Variants in LONP2 observed in about 807,000 individuals in gnomAD.
LONP2 encodes lon protease homolog 2, peroxisomal.
A neutral mutation model predicts 85.6 loss-of-function variants in LONP2; 60 were observed. The observed-to-expected ratio is 0.70, with a 90% CI of 0.57 to 0.87. The LOEUF (loss-of-function observed/expected upper bound fraction) is 0.87. LONP2 is among the 40% of genes least tolerant of loss of function. The pLI, the probability that LONP2 is intolerant of heterozygous loss-of-function variation, is 0.00. For synonymous variants in LONP2, 395 were observed against 389.7 expected, an observed-to-expected ratio of 1.01 and a Z score of -0.16; for missense variants, 860 against 1,063.5, an observed-to-expected ratio of 0.81 and a Z score of 2.66.
intron 1 of LONP2, among the ~76,000 whole-genome samples, chr16:48,251,810 C>T (rs1971656533): frequency 6.6e-6 from 1 of 152,106 alleles, no homozygotes; most frequent in Non-Finnish European, 1.5e-5. Flanking sequence ...TCTTAGTTGA[C>T]AATGTTAATT....
intron 8 of LONP2, among the ~76,000 whole-genome samples, chr16:48,280,470 AT>A (rs1972303414): frequency 6.6e-6 from 1 of 152,244 alleles, no homozygotes; most frequent in Non-Finnish European, 1.5e-5. Flanking sequence ...TAATGATTCA[AT>A]AATATTTGTT....
chr16:48,270,407 AT>A, intron 7 of LONP2, 133 bp downstream of exon 7: 2 of 982,126 alleles, frequency 2.0e-6, no homozygotes, highest in Non-Finnish European at 3.0e-6. Flanking sequence ...TGAAAAGGAC[AT>A]TTACAAGAAG....
chr16:48,260,548 G>T (rs890457571), intron 4 of LONP2, among the ~76,000 whole-genome samples: 2 of 152,244 alleles, frequency 1.3e-5, no homozygotes, highest in African/African-American at 4.8e-5. Flanking sequence ...GCAGTAAGCA[G>T]TGTTCATGCC....
chr16:48,244,332 G>T lies in LONP2; in HGVS notation c.-57G>T. The stretch of plus-strand genomic sequence containing the variant: ...AGGTTTGGTGACTGCGGGGCAGGCC[G>T]GGGGCAGCTGTCTGTCTGGCTCTTT... On this transcript the variant is annotated 5_prime_UTR_variant, in exon 1 of 15. Coordinates refer to ENST00000285737, the MANE Select transcript of LONP2 (RefSeq NM_031490.5). 1.2e-5 allele frequency: 16 copies of T among 1,290,992 alleles called. No individual in the cohort carries two copies. Among genetic ancestry groups the T allele is most frequent in the Non-Finnish European group, 1.6e-5 (15 of 965,768 alleles). The allele number at this position is 1,290,992 out of a possible 1,614,324, so 80.0% of individuals were successfully genotyped here. A position where few individuals can be genotyped will look rare whatever the true frequency, so the allele number is the denominator to read the frequency against.
chr16:48,273,619 C>G (rs1596932773), intron 7 of LONP2, among the ~76,000 whole-genome samples: 1 of 152,268 alleles, frequency 6.6e-6, no homozygotes, highest in South Asian at 2.1e-4. Flanking sequence ...TCCCTTCTAT[C>G]AGTTTTAACA....
chr16:48,258,574 G>T (rs778080810), intron 3 of LONP2, 44 bp from the exon 4 acceptor site: 3 of 1,545,126 alleles, frequency 1.9e-6, no homozygotes, highest in South Asian at 1.2e-5. Context: ...TTTGGATTGT[G>T]TGTTTCTGAG....
intron 8 of LONP2, among the ~76,000 whole-genome samples, chr16:48,286,755 C>T (rs1242109518): frequency 6.6e-6 from 1 of 152,128 alleles, no homozygotes; most frequent in Non-Finnish European, 1.5e-5. Context: ...CCTTGGCCTC[C>T]CAGAGTACTG....
intron 6 of LONP2, among the ~76,000 whole-genome samples, chr16:48,266,082 C>T (rs1351188357): frequency 4.6e-5 from 7 of 152,120 alleles, no homozygotes; most frequent in African/African-American, 1.7e-4. Context: ...TGGCTCACTG[C>T]AACCTCTGCC....
chr16:48,252,429 T>G, intron 2 of LONP2, 64 bp downstream of exon 2: 1 of 1,041,992 alleles, frequency 9.6e-7, no homozygotes, highest in Non-Finnish European at 1.4e-6. Flanking sequence ...TCCTAAGATA[T>G]GGTGAATCTG....
chr16:48,245,273 C>T (rs1269655749), intron 1 of LONP2, among the ~76,000 whole-genome samples: 1 of 152,170 alleles, frequency 6.6e-6, no homozygotes, highest in East Asian at 1.9e-4. Flanking sequence ...CTCACCTCTG[C>T]TCCTTCACTC....
At chr16:48,282,321 G>A (rs1424696564) in intron 8 of LONP2, among the ~76,000 whole-genome samples, 1 of 149,518 alleles carries the variant, frequency 6.7e-6, no homozygotes, top group Admixed American at 6.8e-5. Context: ...TGAGGCATGA[G>A]AATAGCTTGA....
At chr16:48,289,678 T>C (rs1391979608) in intron 8 of LONP2, among the ~76,000 whole-genome samples, 1 of 152,210 alleles carries the variant, frequency 6.6e-6, no homozygotes, top group Non-Finnish European at 1.5e-5. Context: ...ATGGAACTTC[T>C]TCTAAGTGAA....
chr16:48,339,873 G>T (rs1959766373), intron 12 of LONP2, among the ~76,000 whole-genome samples: 1 of 152,210 alleles, frequency 6.6e-6, no homozygotes, highest in African/African-American at 2.4e-5. Context: ...TGGAGTTCAT[G>T]GCTTGAGTAC....
intron 12 of LONP2, 140 bp downstream of exon 12, chr16:48,334,498 G>A (rs999525105): frequency 3.8e-6 from 4 of 1,048,144 alleles, no homozygotes; most frequent in Middle Eastern, 2.1e-4. Context: ...TGGGACGCAG[G>A]TTGTTGGTGT....
chr16:48,303,052 T>G, intron 10 of LONP2, 120 bp from the exon 11 acceptor site: 2 of 1,028,370 alleles, frequency 1.9e-6, no homozygotes, highest in Middle Eastern at 3.3e-4. Context: ...AAGTTAGTAC[T>G]CAAGAAAGGG....
At chr16:48,309,023 A>G (rs776162318) in intron 11 of LONP2, among the ~76,000 whole-genome samples, 4 of 152,204 alleles carry the variant, frequency 2.6e-5, no homozygotes, top group Non-Finnish European at 5.9e-5. Context: ...AAAAGAAGAC[A>G]TACAAGTGGC....
intron 8 of LONP2, among the ~76,000 whole-genome samples, chr16:48,291,319 G>A (rs777767790): frequency 6.6e-6 from 1 of 152,074 alleles, no homozygotes; most frequent in African/African-American, 2.4e-5. Flanking sequence ...ATCGACAAAA[G>A]ATATACACTT....
At chr16:48,245,578 A>G (rs1166373775) in intron 1 of LONP2, among the ~76,000 whole-genome samples, 4 of 152,208 alleles carry the variant, frequency 2.6e-5, no homozygotes, top group Non-Finnish European at 5.9e-5. Flanking sequence ...CTGTTTTAGC[A>G]TTGAAAGTCC....
chr16:48,307,076 G>T (rs188014432), intron 11 of LONP2, among the ~76,000 whole-genome samples: 1 of 152,180 alleles, frequency 6.6e-6, no homozygotes, highest in Non-Finnish European at 1.5e-5. Flanking sequence ...ACTGATCTGT[G>T]AACAGTTGTC....
Sources: allele counts gnomAD v4.1 joint callset (sites outside exome capture counted in the v4.1 genomes callset), GRCh38; gene constraint gnomAD v4.1.1; transcripts MANE v1.5; gene names NCBI Gene and HGNC (gene_info 2026-07-23, HGNC 2026-07-21).